CABCOCO1: variants seen among roughly 807,000 people sequenced by gnomAD.
CABCOCO1 encodes ciliary associated calcium binding coiled-coil 1.
Under a neutral mutation model 35.7 loss-of-function variants are expected in CABCOCO1, and 28 were observed. The observed-to-expected ratio is 0.78, with a 90% CI of 0.58 to 1.07. CABCOCO1 has a LOEUF of 1.07. CABCOCO1 is among the 50% of genes least tolerant of loss of function. The pLI is 0.00. For synonymous variants in CABCOCO1, 95 were observed against 100.1 expected (o/e 0.95, Z 0.30); for missense variants, 326 against 309.2 (o/e 1.05, Z -0.41).
chr10:61,680,389 T>TATATATTTATATACATATAACATATA (rs1839680704), intron 2 of CABCOCO1, among the ~76,000 whole-genome samples: 1 of 133,310 alleles, frequency 7.5e-6, no homozygotes, highest in African/African-American at 3.0e-5. Context: ...ACATATAATA[T>TATATATTTATATACATATAACATATA]ATATATTTTT....
chr10:61,682,494 C>CACG (rs955760440), intron 3 of CABCOCO1, among the ~76,000 whole-genome samples: 25 of 152,138 alleles, frequency 1.6e-4, no homozygotes, highest in African/African-American at 5.8e-4. Context: ...GACTCCTGAG[C>CACG]ACGTAGCCAG....
chr10:61,721,276 T>A (rs1841013998), intron 5 of CABCOCO1, among the ~76,000 whole-genome samples: 1 of 152,032 alleles, frequency 6.6e-6, no homozygotes, highest in African/African-American at 2.4e-5. Flanking sequence ...CACTTAAAGT[T>A]AAACTTGCCC....
At position 61,678,604 on chromosome 10, in the gene CABCOCO1, G is replaced by A. The variant is rs563170238; in HGVS notation, c.165-2539G>A. ...ATAGATTAACTTCAAAGTTAATGGA[G>A]TCAAGGTCTAAATAGTATCATCAAA... On this transcript the variant is annotated intron_variant, in intron 2 of 7. Coordinates refer to ENST00000648843, the MANE Select transcript of CABCOCO1 (RefSeq NM_001366906.2). Among the ~76,000 whole-genome samples, 103 of 152,144 alleles carry A rather than the reference G, an allele frequency of 6.8e-4. 1 individual carries two copies. Among genetic ancestry groups the A allele is most frequent in the African/African-American group, 2.5e-3 (102 of 41,504 alleles).
chr10:61,717,597 A>G (rs1221140630), intron 5 of CABCOCO1, among the ~76,000 whole-genome samples: 1 of 152,200 alleles, frequency 6.6e-6, no homozygotes, highest in Non-Finnish European at 1.5e-5. Flanking sequence ...ATAATGGTGG[A>G]AAAACAAAAA....
At chr10:61,681,391 A>G in intron 3 of CABCOCO1, 79 bp downstream of exon 3, 1 of 1,078,498 alleles carries the variant, frequency 9.3e-7, no homozygotes, top group East Asian at 2.6e-5. Context: ...AAAGTTACAG[A>G]TTTTATTGTA....
At chr10:61,683,822 AT>A (rs1399410579) in intron 3 of CABCOCO1, among the ~76,000 whole-genome samples, 1 of 152,160 alleles carries the variant, frequency 6.6e-6, no homozygotes, top group Non-Finnish European at 1.5e-5. Flanking sequence ...TACTTCCCTA[AT>A]TTTTAAAGCA....
intron 5 of CABCOCO1, among the ~76,000 whole-genome samples, chr10:61,733,757 T>A (rs1453904057): frequency 6.6e-6 from 1 of 152,120 alleles, no homozygotes; most frequent in Admixed American, 6.6e-5. Flanking sequence ...CAGCATTTTA[T>A]CTACATTTCT....
intron 5 of CABCOCO1, among the ~76,000 whole-genome samples, chr10:61,702,078 C>T (rs1197455368): frequency 6.6e-6 from 1 of 152,110 alleles, no homozygotes; most frequent in Non-Finnish European, 1.5e-5. Context: ...CAGGTCCTGG[C>T]AGAGAGACGG....
Position 61,672,625 on chromosome 10 carries a change from T to C in CABCOCO1, c.61-7T>C, listed in dbSNP as rs1174946189. On this transcript the variant is annotated splice_polypyrimidine_tract_variant and splice_region_variant and intron_variant, in intron 1 of 7. Transcript: ENST00000648843. ...AAAGTAACTCACTCCACATTGTGTT[T>C]TGGTAGAGAGACACTGAATTCCAGG... 1 of 782,642 alleles carries C rather than the reference T, an allele frequency of 1.3e-6. No individual in the cohort carries two copies. The highest frequency in any genetic ancestry group is 1.5e-6 in the Non-Finnish European group (1 of 645,322). The allele number at this position is 782,642 out of a possible 1,614,324, so 48.5% of individuals were successfully genotyped here.
chr10:61,670,924 ATT>A (rs1448104338), intron 1 of CABCOCO1, among the ~76,000 whole-genome samples: 1 of 152,120 alleles, frequency 6.6e-6, no homozygotes, highest in Non-Finnish European at 1.5e-5. Context: ...AACTCTAAAC[ATT>A]TCTTTCTCGC....
At chr10:61,698,377 C>G (rs1180075573) in intron 5 of CABCOCO1, among the ~76,000 whole-genome samples, 1 of 152,104 alleles carries the variant, frequency 6.6e-6, no homozygotes, top group Non-Finnish European at 1.5e-5. Flanking sequence ...TGGAGTTGTG[C>G]ATTGTACAGA....
rs562600873 is a variant in CABCOCO1, at chr10:61,760,857, T to C, written c.676-6T>C. On this transcript the variant is annotated splice_region_variant and splice_polypyrimidine_tract_variant and intron_variant, in intron 6 of 7. Coordinates refer to ENST00000648843, the MANE Select transcript of CABCOCO1 (RefSeq NM_001366906.2). ...ACCCGAGTGCTATTTACTTTCAATA[T>C]TCTAGAGGTTGGATCAAGAACAAGG... The C allele has an allele frequency of 3.7e-6, 6 of 1,609,738 alleles. No individual in the cohort carries two copies. The highest frequency in any genetic ancestry group is 4.5e-5 in the East Asian group (2 of 44,838).
intron 5 of CABCOCO1, among the ~76,000 whole-genome samples, chr10:61,733,254 A>T (rs1841345037): frequency 6.6e-6 from 1 of 151,950 alleles, no homozygotes; most frequent in Non-Finnish European, 1.5e-5. Context: ...TAACCTATTT[A>T]TAGTTTATTT....
intron 3 of CABCOCO1, among the ~76,000 whole-genome samples, chr10:61,682,414 G>A (rs1260147347): frequency 1.3e-5 from 2 of 152,054 alleles, no homozygotes; most frequent in Admixed American, 6.5e-5. Context: ...CATTAGGAAA[G>A]AATGTAATTT....
intron 1 of CABCOCO1, among the ~76,000 whole-genome samples, chr10:61,672,279 C>T (rs1320134345): frequency 2.6e-5 from 4 of 152,172 alleles, no homozygotes; most frequent in East Asian, 3.8e-4. Context: ...AGGCTTGCTC[C>T]TCTCACTAGA....
At chr10:61,688,374 CAATAA>C (rs755110515) in intron 4 of CABCOCO1, among the ~76,000 whole-genome samples, 8 of 152,100 alleles carry the variant, frequency 5.3e-5, no homozygotes, top group Non-Finnish European at 1.2e-4. Flanking sequence ...ACTTAACTGA[CAATAA>C]AATGGAAATT....
chr10:61,723,157 G>T (rs1034912210), intron 5 of CABCOCO1, among the ~76,000 whole-genome samples: 6 of 152,158 alleles, frequency 3.9e-5, no homozygotes, highest in African/African-American at 1.4e-4. Flanking sequence ...ATCAAGTGGA[G>T]TTATTGCAGG....
intron 7 of CABCOCO1, among the ~76,000 whole-genome samples, chr10:61,765,413 T>C (rs1398086024): frequency 6.6e-6 from 1 of 152,168 alleles, no homozygotes; most frequent in African/African-American, 2.4e-5. Flanking sequence ...TATCAGAAAG[T>C]GGCATCATTC....
Position 61,663,011 on chromosome 10 carries a change from G to GGGCCGACCCCGGCC in CABCOCO1, c.41_42insCCGACCCCGGCCGG (p.Thr15ArgfsTer37), listed in dbSNP as rs1564525897. ...CGACTCCCTGGGGGCCGACCCCGGC[G>GGGCCGACCCCGGCC]GGAACCACGCCCGAATCGGAGGTAC... On this transcript the variant is annotated frameshift_variant, in exon 1 of 8. Coordinates refer to ENST00000648843, the MANE Select transcript of CABCOCO1 (RefSeq NM_001366906.2). LOFTEE classifies it high-confidence loss of function. 8 of 25,470 alleles carry GGGCCGACCCCGGCC rather than the reference G, an allele frequency of 3.1e-4. 1 individual carries two copies. The highest frequency in any genetic ancestry group is 1.1e-3 in the Non-Finnish European group (8 of 7,526). 1.6% of individuals were successfully genotyped at this position (25,470 alleles called of 1,614,324 possible).
Sources: gnomAD v4.1 joint callset for allele counts (sites outside exome capture counted in the v4.1 genomes callset) on GRCh38, gnomAD v4.1.1 for gene constraint, MANE v1.5 for transcripts, NCBI Gene and HGNC (gene_info 2026-07-23, HGNC 2026-07-21) for gene names.